BNC2: variants seen among roughly 807,000 people sequenced by gnomAD.
The protein encoded by BNC2 is zinc finger protein basonuclin-2.
BNC2 carries 20 observed loss-of-function variants against 76.3 expected under a neutral mutation model. The ratio of observed to expected loss-of-function variants is 0.26; its 90% confidence interval spans 0.18 to 0.38. The LOEUF is 0.38. BNC2 is among the 10% of genes least tolerant of loss of function. The probability of loss-of-function intolerance (pLI) is 1.00; values close to 1 mark genes in which losing one functional copy is unlikely to be tolerated. For missense variants in BNC2, 1,382 were observed against 1,399.8 expected (o/e 0.99, Z 0.20); for synonymous variants, 582 against 514.8 (o/e 1.13, Z -1.77).
chr9:16,620,564 A>G (rs1057338813), intron 3 of BNC2, among the ~76,000 whole-genome samples: 1 of 152,176 alleles, frequency 6.6e-6, no homozygotes, highest in African/African-American at 2.4e-5. Context: ...TACAGCATCA[A>G]AACAAAAGAT....
Position 16,461,669 on chromosome 9 carries a change from C to A in BNC2, c.670-24145G>T, listed in dbSNP as rs150410076. 1.8e-3 allele frequency among the ~76,000 whole-genome samples: 276 copies of A among 152,140 alleles called. 3 individuals carry two copies. Among genetic ancestry groups the A allele is most frequent in the African/African-American group, 6.1e-3 (255 of 41,508 alleles). On this transcript the variant is annotated intron_variant, in intron 5 of 6. Coordinates refer to ENST00000380672, the MANE Select transcript of BNC2 (RefSeq NM_017637.6). ...GCAACTCCCTATCAAGGCACAGAGC[C>A]CTGCAACACGCTGCATCACCAGGGA...
At chr9:16,531,324 T>G (rs1355286350) in intron 5 of BNC2, among the ~76,000 whole-genome samples, 1 of 151,734 alleles carries the variant, frequency 6.6e-6, no homozygotes, top group African/African-American at 2.4e-5. Flanking sequence ...CTCCTTCACA[T>G]GTGCAAAAAC....
At chr9:16,473,434 A>T (rs1350864492) in intron 5 of BNC2, 1 of 152,212 alleles carries the variant, frequency 6.6e-6, no homozygotes, top group Non-Finnish European at 1.5e-5. Flanking sequence ...TCTGAATTAA[A>T]AGGCTAAGAG....
At chr9:16,684,918 T>G (rs1330334140) in intron 3 of BNC2, among the ~76,000 whole-genome samples, 2 of 150,404 alleles carry the variant, frequency 1.3e-5, no homozygotes, top group African/African-American at 2.5e-5. Context: ...AAAAAAAATG[T>G]ACTTTGCTAA....
At chr9:16,601,095 A>C (rs965501640) in intron 3 of BNC2, among the ~76,000 whole-genome samples, 1 of 152,228 alleles carries the variant, frequency 6.6e-6, no homozygotes. Context: ...GCACAATCTC[A>C]TCTTCTTTAG....
At chr9:16,743,155 C>A (rs7029657) in intron 1 of BNC2, among the ~76,000 whole-genome samples, 7,737 of 152,274 alleles carry the variant, frequency 0.051, 676 homozygotes, top group African/African-American at 0.18. Flanking sequence ...ATTTCTAACA[C>A]ACCCTGAGTC....
intron 3 of BNC2, among the ~76,000 whole-genome samples, chr9:16,678,267 C>CT (rs140809930): frequency 0.1 from 8,401 of 81,082 alleles, 1,220 homozygotes; most frequent in East Asian, 0.4. Context: ...CTTTCTTTTT[C>CT]TTTTTTTTTT....
chr9:16,595,730 T>C (rs970979595), intron 3 of BNC2, among the ~76,000 whole-genome samples: 3 of 152,102 alleles, frequency 2.0e-5, no homozygotes, highest in Non-Finnish European at 4.4e-5. Flanking sequence ...AAAGATTAGA[T>C]GGTTTTTAAA....
intron 3 of BNC2, among the ~76,000 whole-genome samples, chr9:16,691,472 A>G (rs1190112117): frequency 1.3e-5 from 2 of 149,988 alleles, no homozygotes; most frequent in African/African-American, 5.0e-5. Context: ...GAATGAAGTC[A>G]CTTGTACCAG....
rs1820463776 is a variant in BNC2 at position 16,411,633 on chromosome 9, C to A, written c.*7356G>T. 1 of 152,582 alleles carries A rather than the reference C, an allele frequency of 6.6e-6. No individual in the cohort carries two copies. The highest frequency in any genetic ancestry group is 1.5e-5 in the Non-Finnish European group (1 of 68,038). The allele number at this position is 152,582 out of a possible 1,614,324, so 9.5% of individuals were successfully genotyped here. On this transcript the variant is annotated 3_prime_UTR_variant, in exon 7 of 7. Transcript: ENST00000380672. Reference sequence around the variant, plus strand: ...TGTCAACTAATTGCCTTTGCTCGAACCCAAGAGTCCTTGCTCAAAGTGCTT... The same window carrying A: ...TGTCAACTAATTGCCTTTGCTCGAAACCAAGAGTCCTTGCTCAAAGTGCTT...
At chr9:16,732,162 A>AAAAAAAAAAAAAAAGAAAAAG (rs59888253) in intron 2 of BNC2, among the ~76,000 whole-genome samples, 1 of 123,586 alleles carries the variant, frequency 8.1e-6, no homozygotes, top group South Asian at 2.4e-4. Context: ...TCCTGCAAAA[A>AAAAAAAAAAAAAAAGAAAAAG]AAAAAGAAAA....
chr9:16,701,270 C>CT (rs1211870855), intron 3 of BNC2, among the ~76,000 whole-genome samples: 1 of 152,258 alleles, frequency 6.6e-6, no homozygotes, highest in Non-Finnish European at 1.5e-5. Context: ...AACTAACTTT[C>CT]TTTTTTCTTT....
chr9:16,463,089 G>C (rs1386893924), intron 5 of BNC2, among the ~76,000 whole-genome samples: 1 of 152,020 alleles, frequency 6.6e-6, no homozygotes, highest in East Asian at 1.9e-4. Context: ...TGTTCTGAAA[G>C]GTGTGCAGGG....
At position 16,582,905 on chromosome 9, in the gene BNC2, A is replaced by ACACAC. The variant is rs1408491723; in HGVS notation, c.433+73_433+77dup. The ACACAC allele has an allele frequency of 3.2e-6, 3 of 932,348 alleles. No individual in the cohort carries two copies. In the African/African-American group the frequency reaches 4.9e-5, roughly 15 times the overall value. 57.8% of individuals were successfully genotyped at this position (932,348 alleles called of 1,614,324 possible). On this transcript the variant is annotated intron_variant, in intron 4 of 6. Coordinates refer to ENST00000380672, the MANE Select transcript of BNC2 (RefSeq NM_017637.6). ...CTCCTCTAAACAGACACACACACAC[A>ACACAC]CACACACACACACACACACACACAC...
At chr9:16,648,646 T>C (rs1180888963) in intron 3 of BNC2, among the ~76,000 whole-genome samples, 3 of 152,112 alleles carry the variant, frequency 2.0e-5, no homozygotes, top group Admixed American at 2.0e-4. Context: ...TAAGGGGTGG[T>C]TAATGAGGCT....
chr9:16,460,143 T>C (rs943994480), intron 5 of BNC2, among the ~76,000 whole-genome samples: 1 of 152,108 alleles, frequency 6.6e-6, no homozygotes, highest in African/African-American at 2.4e-5. Context: ...GAAGTCATAA[T>C]TTAAAAGGCA....
At chr9:16,519,476 C>A (rs941103813) in intron 5 of BNC2, among the ~76,000 whole-genome samples, 1 of 152,174 alleles carries the variant, frequency 6.6e-6, no homozygotes, top group African/African-American at 2.4e-5. Context: ...ACCCTCACTT[C>A]TGGGAGAGTT....
intron 3 of BNC2, among the ~76,000 whole-genome samples, chr9:16,676,797 G>GA (rs939375989): frequency 1.3e-5 from 2 of 150,236 alleles, no homozygotes; most frequent in African/African-American, 2.4e-5. Flanking sequence ...CAAGGGAGGA[G>GA]AAAAAAAAAG....
At chr9:16,530,625 G>C (rs964185255) in intron 5 of BNC2, among the ~76,000 whole-genome samples, 1 of 152,354 alleles carries the variant, frequency 6.6e-6, no homozygotes. Context: ...AATGCTGAGA[G>C]AAATATCTGC....
Sources: gnomAD v4.1 joint callset for allele counts (sites outside exome capture counted in the v4.1 genomes callset) on GRCh38, gnomAD v4.1.1 for gene constraint, MANE v1.5 for transcripts, NCBI Gene and HGNC (gene_info 2026-07-23, HGNC 2026-07-21) for gene names.